Variants in EYA2 observed in about 807,000 individuals in gnomAD.
The protein encoded by EYA2 is protein phosphatase EYA2.
EYA2 carries 31 observed loss-of-function variants against 69.2 expected under a neutral mutation model. That is an observed-to-expected ratio of 0.45 (90% CI 0.34 to 0.60). The LOEUF is 0.60. Ranked by LOEUF, EYA2 falls within the 20% of genes least tolerant of loss-of-function variation. The pLI is 0.02. For synonymous variants in EYA2, 257 were observed against 279.4 expected (o/e 0.92, Z 0.80); for missense variants, 622 against 701.2 (o/e 0.89, Z 1.28).
At chr20:47,020,702 A>G (rs894782025) in intron 5 of EYA2, among the ~76,000 whole-genome samples, 2 of 152,148 alleles carry the variant, frequency 1.3e-5, no homozygotes, top group African/African-American at 2.4e-5. Flanking sequence ...CCCACACACA[A>G]TGGCATGAGT....
chr20:46,895,203 C>T (rs1983737434), intron 1 of EYA2, among the ~76,000 whole-genome samples: 1 of 152,338 alleles, frequency 6.6e-6, no homozygotes, highest in East Asian at 1.9e-4. Context: ...TCTGGAAAGG[C>T]TCTCCCAGGC....
In EYA2 at chr20:47,086,983, C is replaced by T. The variant is rs144610865; in HGVS notation, c.662-2256C>T. Among the ~76,000 whole-genome samples the T allele has an allele frequency of 1.5e-3, 221 of 152,174 alleles. 2 individuals are homozygous for T. Among genetic ancestry groups the T allele is most frequent in the African/African-American group, 5.2e-3 (216 of 41,508 alleles). On this transcript the variant is annotated intron_variant, in intron 7 of 15. Coordinates refer to ENST00000327619, the MANE Select transcript of EYA2 (RefSeq NM_005244.5). ...AAACTACCAAGTGAACCAGGAAAGA[C>T]CTTATTTACATTGCTCTTCAGCATC...
chr20:47,015,575 A>G (rs571486934), intron 4 of EYA2, among the ~76,000 whole-genome samples: 18 of 152,278 alleles, frequency 1.2e-4, no homozygotes, highest in South Asian at 4.2e-4. Flanking sequence ...GCAGGCTTGC[A>G]TACCTACCAA....
At chr20:46,946,571 A>G (rs1213945211) in intron 1 of EYA2, among the ~76,000 whole-genome samples, 2 of 152,242 alleles carry the variant, frequency 1.3e-5, no homozygotes, top group African/African-American at 4.8e-5. Flanking sequence ...GAGTAAGGCC[A>G]TATAGGCCAG....
intron 1 of EYA2, among the ~76,000 whole-genome samples, chr20:46,913,666 G>A (rs1984757755): frequency 6.6e-6 from 1 of 152,292 alleles, no homozygotes; most frequent in South Asian, 2.1e-4. Flanking sequence ...ATGCTTTTAA[G>A]ATAGAGCCGA....
chr20:46,951,894 G>T (rs1978825369), intron 1 of EYA2, among the ~76,000 whole-genome samples: 1 of 152,202 alleles, frequency 6.6e-6, no homozygotes, highest in Admixed American at 6.5e-5. Flanking sequence ...CCTCTCTGAA[G>T]AATTCTGCCA....
chr20:47,097,286 C>T lies in EYA2; in HGVS notation c.888+118C>T, dbSNP rs2032277669. 6 of 744,300 alleles carry T rather than the reference C, an allele frequency of 8.1e-6. No individual in the cohort carries two copies. In the East Asian group the frequency reaches 1.7e-4, roughly 21 times the overall value. 46.1% of individuals were successfully genotyped at this position (744,300 alleles called of 1,614,324 possible). On this transcript the variant is annotated intron_variant, in intron 9 of 15. Coordinates refer to ENST00000327619, the MANE Select transcript of EYA2 (RefSeq NM_005244.5). ...GGCAGCTTCTCCAACAAAAGCTGCC[C>T]TTTGGGGTCAGCCCAGGTTTAAAAA...
At chr20:47,135,400 C>T (rs1285202085) in intron 9 of EYA2, among the ~76,000 whole-genome samples, 1 of 152,050 alleles carries the variant, frequency 6.6e-6, no homozygotes. Flanking sequence ...GGTAGTCTGG[C>T]TTAGAGCCCA....
chr20:47,091,127 T>C (rs2032071933), intron 8 of EYA2, among the ~76,000 whole-genome samples: 1 of 152,128 alleles, frequency 6.6e-6, no homozygotes, highest in African/African-American at 2.4e-5. Context: ...ACCTTTGTCA[T>C]TTCCTTAAAA....
intron 5 of EYA2, among the ~76,000 whole-genome samples, chr20:47,028,637 C>G (rs1326570128): frequency 2.6e-5 from 4 of 152,194 alleles, no homozygotes; most frequent in Non-Finnish European, 4.4e-5. Flanking sequence ...GAGTTCACAC[C>G]AGGGATGAGA....
In EYA2 at chr20:46,900,948, T is replaced by C. The variant is rs952130161; in HGVS notation, c.-11+5961T>C. ...AGGTCATGCGCTTGAAGTGCATAAA[T>C]AAGCCCTATGAAGGTCACCAAACAG... is the stretch of plus-strand genomic sequence containing the variant. On this transcript the variant is annotated intron_variant, in intron 1 of 15. Coordinates refer to ENST00000327619, the MANE Select transcript of EYA2 (RefSeq NM_005244.5). Among the ~76,000 whole-genome samples, 3 of 152,196 alleles carry C rather than the reference T, an allele frequency of 2.0e-5. No homozygotes were observed. The East Asian group carries it at 5.8e-4, about 29-fold the overall frequency.
rs2034575182 is a variant in EYA2 at position 47,183,370 on chromosome 20, A to G, written c.1515A>G (p.Glu505=). The part of the protein sequence containing the change: ...AVYVVIGDGV[E]EEQGAKKHNM... ...ACGTGGTGATCGGTGATGGTGTGGA[A>G]GAGGAGCAAGGAGCGAAAAAGGTAC... is the stretch of plus-strand genomic sequence containing the variant. The change falls in exon 15 of 16, where the codon GAA becomes GAG. Residue 505 remains glutamate (E), a synonymous_variant. Transcript: ENST00000327619. 1 of 1,613,970 alleles carries G rather than the reference A, an allele frequency of 6.2e-7. No homozygotes were observed. Among genetic ancestry groups the G allele is most frequent in the African/African-American group, 1.3e-5 (1 of 74,896 alleles).
chr20:47,165,742 T>A (rs3091472), intron 10 of EYA2, among the ~76,000 whole-genome samples: 34,495 of 151,974 alleles, frequency 0.23, 4,868 homozygotes, highest in African/African-American at 0.41. Context: ...TCTGAGGCCC[T>A]TTCAAGGGGC....
At chr20:47,182,969 T>G (rs558305015) in intron 14 of EYA2, among the ~76,000 whole-genome samples, 1 of 152,204 alleles carries the variant, frequency 6.6e-6, no homozygotes, top group African/African-American at 2.4e-5. Flanking sequence ...TGGCATCAAG[T>G]GCATTCAAAT....
chr20:47,022,111 G>T (rs1235143367), intron 5 of EYA2, among the ~76,000 whole-genome samples: 2 of 152,166 alleles, frequency 1.3e-5, no homozygotes, highest in African/African-American at 4.8e-5. Flanking sequence ...AGGCTGTTGT[G>T]CCTTGTACTT....
At chr20:47,017,952 C>G (rs2146373367) in intron 5 of EYA2, among the ~76,000 whole-genome samples, 1 of 152,296 alleles carries the variant, frequency 6.6e-6, no homozygotes, top group South Asian at 2.1e-4. Context: ...CGCTGTAACC[C>G]CGGCACTTTC....
chr20:47,130,256 A>ATTTT (rs1392782309), intron 9 of EYA2, among the ~76,000 whole-genome samples: 3 of 69,780 alleles, frequency 4.3e-5, no homozygotes, highest in African/African-American at 1.5e-4. Context: ...AAGAAGGTTT[A>ATTTT]TTTTCTTTTT....
At chr20:47,012,288 A>T (rs1451534313) in intron 4 of EYA2, among the ~76,000 whole-genome samples, 1 of 152,216 alleles carries the variant, frequency 6.6e-6, no homozygotes, top group Non-Finnish European at 1.5e-5. Flanking sequence ...CTTATCAGAG[A>T]TGCCTGCGGA....
chr20:47,033,684 G>A (rs1984543755), intron 5 of EYA2, among the ~76,000 whole-genome samples: 1 of 152,220 alleles, frequency 6.6e-6, no homozygotes, highest in South Asian at 2.1e-4. Flanking sequence ...AAATGATCAT[G>A]TCATGCCTAG....
Sources: allele counts gnomAD v4.1 joint callset (sites outside exome capture counted in the v4.1 genomes callset), GRCh38; gene constraint gnomAD v4.1.1; transcripts MANE v1.5; gene names NCBI Gene and HGNC (gene_info 2026-07-23, HGNC 2026-07-21).